The following STXBP6 variants were observed in gnomAD, a reference collection of about 807,000 sequenced individuals.
The protein encoded by STXBP6 is syntaxin-binding protein 6.
A neutral mutation model predicts 26.9 loss-of-function variants in STXBP6; 21 were observed. The observed-to-expected ratio is 0.78, with a 90% CI of 0.55 to 1.12. The LOEUF (loss-of-function observed/expected upper bound fraction) is 1.12, where lower values mean the gene tolerates loss of function less well. Among genes scored for constraint, STXBP6 ranks in the 50% most tolerant of loss-of-function variants. The pLI, the probability that STXBP6 is intolerant of heterozygous loss-of-function variation, is 0.00. For synonymous variants in STXBP6, 97 were observed against 92.6 expected (o/e 1.05, Z -0.27); for missense variants, 232 against 257.9 (o/e 0.90, Z 0.69).
At chr14:24,891,370 G>A (rs2070780584) in intron 2 of STXBP6, among the ~76,000 whole-genome samples, 1 of 152,134 alleles carries the variant, frequency 6.6e-6, no homozygotes. Flanking sequence ...CCTATGCCTT[G>A]AATACTCAGT....
At chr14:24,950,560 A>G (rs1234525866) in intron 2 of STXBP6, among the ~76,000 whole-genome samples, 1 of 152,182 alleles carries the variant, frequency 6.6e-6, no homozygotes, top group African/African-American at 2.4e-5. Context: ...CAATAGCGAG[A>G]GGGAAAAAAA....
chr14:24,877,531 C>T (rs2070190619), intron 2 of STXBP6, among the ~76,000 whole-genome samples: 1 of 152,074 alleles, frequency 6.6e-6, no homozygotes, highest in African/African-American at 2.4e-5. Context: ...CTTCCTCCCT[C>T]CTTCCCTCTT....
intron 4 of STXBP6, among the ~76,000 whole-genome samples, chr14:24,821,488 C>T (rs1056198342): frequency 3.3e-5 from 5 of 152,176 alleles, no homozygotes. Context: ...GAACCAGATG[C>T]TGTCTTCACT....
chr14:25,039,069 CTTGA>C (rs2140497739), intron 1 of STXBP6, among the ~76,000 whole-genome samples: 1 of 152,232 alleles, frequency 6.6e-6, no homozygotes, highest in Admixed American at 6.5e-5. Context: ...TGTTAACTAG[CTTGA>C]TTTAGTCATT....
At chr14:25,029,337 C>T (rs759185431) in intron 1 of STXBP6, among the ~76,000 whole-genome samples, 2 of 152,118 alleles carry the variant, frequency 1.3e-5, no homozygotes, top group Non-Finnish European at 2.9e-5. Context: ...AGCAGTCATC[C>T]ACGTTGAGGC....
At position 24,842,952 on chromosome 14, in the gene STXBP6, G is replaced by T. The variant is rs145296985; in HGVS notation, c.451+12984C>A. Among the ~76,000 whole-genome samples, 58 of 152,130 alleles carry T rather than the reference G, an allele frequency of 3.8e-4. No homozygotes were observed. In the East Asian group the frequency reaches 0.01, roughly 27 times the overall value. On this transcript the variant is annotated intron_variant, in intron 4 of 5. Transcript: ENST00000323944. The stretch of plus-strand genomic sequence containing the variant: ...ATGGATAGAGCTGGGAAGTATAATA[G>T]GCCCAAAAGAGGGGAGTCACAATTT...
intron 4 of STXBP6, among the ~76,000 whole-genome samples, chr14:24,851,852 C>A (rs2069168399): frequency 3.9e-5 from 6 of 152,102 alleles, no homozygotes; most frequent in Admixed American, 3.9e-4. Context: ...TTGACAAAGT[C>A]ATTCAAAATT....
chr14:24,860,669 ATTTGAGATAGCTGAATAACATCTTTT>A (rs1174816594), intron 2 of STXBP6, among the ~76,000 whole-genome samples: 7 of 152,162 alleles, frequency 4.6e-5, no homozygotes, highest in Non-Finnish European at 1.5e-5. Context: ...ACTATCTCAT[ATTTGAGATAGCTGAATAACATCTTTT>A]TACACATTTT....
chr14:24,910,491 T>C (rs983592500), intron 2 of STXBP6, among the ~76,000 whole-genome samples: 1 of 152,206 alleles, frequency 6.6e-6, no homozygotes, highest in Non-Finnish European at 1.5e-5. Context: ...ACCACTTACA[T>C]GAATAAATGT....
chr14:24,999,403 T>C lies in STXBP6; in HGVS notation c.-32-24553A>G, dbSNP rs193237015. Among the ~76,000 whole-genome samples the C allele has an allele frequency of 3.9e-5, 6 of 152,220 alleles. No individual in the cohort carries two copies. The East Asian group carries it at 7.7e-4, about 20-fold the overall frequency. On this transcript the variant is annotated intron_variant, in intron 1 of 5. Transcript: ENST00000323944. ...GCATGGAGTGCGATCTTCAGAGTGC[T>C]GAAAGAAAAGAACTTTTTCATTCAA...
intron 1 of STXBP6, among the ~76,000 whole-genome samples, chr14:25,028,059 A>C (rs1566572454): frequency 6.6e-6 from 1 of 152,250 alleles, no homozygotes; most frequent in Non-Finnish European, 1.5e-5. Flanking sequence ...TCTCTATGAC[A>C]TAAAATTGCA....
intron 2 of STXBP6, among the ~76,000 whole-genome samples, chr14:24,921,009 G>A (rs573145133): frequency 6.6e-6 from 1 of 152,096 alleles, no homozygotes; most frequent in African/African-American, 2.4e-5. Context: ...CCAGAGACAA[G>A]GGTTTAATAC....
At chr14:24,896,162 A>G (rs904854068) in intron 2 of STXBP6, among the ~76,000 whole-genome samples, 5 of 152,122 alleles carry the variant, frequency 3.3e-5, no homozygotes, top group Non-Finnish European at 2.9e-5. Context: ...TCGGCTTTCA[A>G]AAGTCCACGA....
chr14:24,951,354 C>A (rs375745488), intron 2 of STXBP6, among the ~76,000 whole-genome samples: 52 of 152,068 alleles, frequency 3.4e-4, no homozygotes, highest in African/African-American at 1.1e-3. Context: ...ACACTCCCAC[C>A]AACAGTGTAA....
chr14:24,830,565 T>C (rs2087372995), intron 4 of STXBP6, among the ~76,000 whole-genome samples: 1 of 152,166 alleles, frequency 6.6e-6, no homozygotes, highest in African/African-American at 2.4e-5. Context: ...ACAAATTTTC[T>C]TGGAGGGTGA....
intron 2 of STXBP6, among the ~76,000 whole-genome samples, chr14:24,872,595 C>T (rs530294482): frequency 1.3e-5 from 2 of 152,202 alleles, no homozygotes; most frequent in Non-Finnish European, 1.5e-5. Context: ...GATGTTGTTA[C>T]AAGGATAGAG....
chr14:25,044,205 T>G (rs2075689610), intron 1 of STXBP6, among the ~76,000 whole-genome samples: 1 of 147,124 alleles, frequency 6.8e-6, no homozygotes, highest in Non-Finnish European at 1.5e-5. Flanking sequence ...GGAATACGGC[T>G]GCTATGAATA....
At chr14:24,981,533 G>T (rs1242639243) in intron 1 of STXBP6, among the ~76,000 whole-genome samples, 1 of 152,172 alleles carries the variant, frequency 6.6e-6, no homozygotes, top group Non-Finnish European at 1.5e-5. Context: ...GCCTCCCAAA[G>T]TGCTGGGATT....
intron 1 of STXBP6, among the ~76,000 whole-genome samples, chr14:25,021,898 A>C (rs2075269154): frequency 6.6e-6 from 1 of 152,200 alleles, no homozygotes; most frequent in Non-Finnish European, 1.5e-5. Context: ...ATACAACTTA[A>C]AACACAGTAG....
Sources: gnomAD v4.1 joint callset for allele counts (sites outside exome capture counted in the v4.1 genomes callset) on GRCh38, gnomAD v4.1.1 for gene constraint, MANE v1.5 for transcripts, NCBI Gene and HGNC (gene_info 2026-07-23, HGNC 2026-07-21) for gene names.